Variants in BABAM2 observed in about 807,000 individuals in gnomAD.
BABAM2 encodes the protein BRISC and BRCA1-A complex member 2.
In BABAM2, 31 loss-of-function variants were observed where a neutral mutation model predicts 54.7. The observed-to-expected ratio is 0.57, with a 90% CI of 0.43 to 0.77. BABAM2 has a LOEUF of 0.77. Ranked by LOEUF, BABAM2 falls within the 30% of genes least tolerant of loss-of-function variation. BABAM2 has a pLI of 0.00. For synonymous variants in BABAM2, 167 were observed against 162.9 expected (o/e 1.03, Z -0.19); for missense variants, 364 against 455.8 (o/e 0.80, Z 1.83).
chr2:27,906,225 TGC>T (rs889300313), intron 2 of BABAM2, among the ~76,000 whole-genome samples: 3 of 152,066 alleles, frequency 2.0e-5, no homozygotes, highest in African/African-American at 7.2e-5. Flanking sequence ...CAGTGAACAG[TGC>T]ATGGTGTTGA....
At chr2:28,143,144 AAT>A (rs144484983) in intron 7 of BABAM2, among the ~76,000 whole-genome samples, 5 of 149,856 alleles carry the variant, frequency 3.3e-5, no homozygotes, top group African/African-American at 7.3e-5. Flanking sequence ...TGGATAAAGA[AAT>A]ATATATATAT....
chr2:28,082,037 A>G (rs973368300), intron 6 of BABAM2, among the ~76,000 whole-genome samples: 7 of 152,210 alleles, frequency 4.6e-5, no homozygotes, highest in Admixed American at 4.6e-4. Context: ...CTTTGGAGGT[A>G]AGGAAACATA....
At chr2:28,241,179 T>C (rs1044181332) in intron 8 of BABAM2, 144 bp from the exon 9 acceptor site, 3 of 726,212 alleles carry the variant, frequency 4.1e-6, no homozygotes, top group Non-Finnish European at 7.0e-6. Flanking sequence ...GTAGGCACAA[T>C]AGTCACAGTT....
intron 10 of BABAM2, among the ~76,000 whole-genome samples, chr2:28,294,994 A>G (rs4666051): frequency 0.66 from 100,914 of 152,008 alleles, 33,816 homozygotes; most frequent in Middle Eastern, 0.81. Context: ...GGACTGTGGT[A>G]GATATCAACA....
intron 6 of BABAM2, among the ~76,000 whole-genome samples, chr2:28,071,245 C>G (rs1664112529): frequency 6.6e-6 from 1 of 152,086 alleles, no homozygotes; most frequent in Non-Finnish European, 1.5e-5. Flanking sequence ...TCTTTTAAGT[C>G]TCTTTTCATT....
chr2:28,147,382 AT>A (rs986389488), intron 7 of BABAM2, among the ~76,000 whole-genome samples: 3 of 151,956 alleles, frequency 2.0e-5, no homozygotes, highest in African/African-American at 4.8e-5. Context: ...CATTATTTAG[AT>A]TTTTTTTCCT....
At chr2:27,988,265 G>GTTTT (rs1672542827) in intron 4 of BABAM2, among the ~76,000 whole-genome samples, 178 bp downstream of exon 4, 1 of 152,076 alleles carries the variant, frequency 6.6e-6, no homozygotes, top group Non-Finnish European at 1.5e-5. Context: ...TAAATAAGAG[G>GTTTT]TTTTTTTCAT....
chr2:28,177,592 T>C (rs1221608456), intron 7 of BABAM2, among the ~76,000 whole-genome samples: 1 of 151,552 alleles, frequency 6.6e-6, no homozygotes, highest in Non-Finnish European at 1.5e-5. Flanking sequence ...ATATACAAAA[T>C]AGCCAGAAAA....
intron 6 of BABAM2, among the ~76,000 whole-genome samples, chr2:28,110,436 C>T (rs1667897858): frequency 6.6e-6 from 1 of 151,828 alleles, no homozygotes; most frequent in African/African-American, 2.4e-5. Context: ...CTAGCCTGGC[C>T]AACAAGGCGA....
chr2:28,334,789 G>A (rs1296585403), intron 11 of BABAM2, among the ~76,000 whole-genome samples: 2 of 152,220 alleles, frequency 1.3e-5, no homozygotes, highest in African/African-American at 4.8e-5. Context: ...ATGCGAGTGT[G>A]GCATCAGGTG....
intron 7 of BABAM2, among the ~76,000 whole-genome samples, chr2:28,232,562 C>T (rs929958335): frequency 1.3e-5 from 2 of 152,200 alleles, no homozygotes; most frequent in African/African-American, 4.8e-5. Flanking sequence ...GAGCCTACTA[C>T]ACGCCTAGGC....
intron 11 of BABAM2, among the ~76,000 whole-genome samples, chr2:28,327,659 T>A (rs2148326045): frequency 6.6e-6 from 1 of 152,164 alleles, no homozygotes; most frequent in South Asian, 2.1e-4. Flanking sequence ...TCTAAATATC[T>A]CAAACGCAAG....
chr2:28,239,281 A>C (rs756754703), intron 8 of BABAM2, among the ~76,000 whole-genome samples: 2 of 152,234 alleles, frequency 1.3e-5, no homozygotes, highest in African/African-American at 2.4e-5. Flanking sequence ...CAACATGGCT[A>C]TCAGTACCAA....
At chr2:28,225,751 G>A (rs1403474922) in intron 7 of BABAM2, among the ~76,000 whole-genome samples, 3 of 151,638 alleles carry the variant, frequency 2.0e-5, no homozygotes, top group Non-Finnish European at 4.4e-5. Context: ...CACAGTCCAC[G>A]AGTTGCCTAA....
At chr2:27,946,165 T>C (rs1256951240) in intron 3 of BABAM2, among the ~76,000 whole-genome samples, 1 of 152,194 alleles carries the variant, frequency 6.6e-6, no homozygotes, top group Non-Finnish European at 1.5e-5. Flanking sequence ...TCTAGGTGCC[T>C]TTTTATCAAT....
At chr2:28,017,330 CCAG>C (rs1302228771) in intron 4 of BABAM2, among the ~76,000 whole-genome samples, 1 of 139,758 alleles carries the variant, frequency 7.2e-6, no homozygotes, top group Non-Finnish European at 1.6e-5. Flanking sequence ...TTGTTCAGTT[CCAG>C]TTTTGTTAGA....
At chr2:27,908,637 T>C (rs1666360498) in intron 2 of BABAM2, among the ~76,000 whole-genome samples, 1 of 152,188 alleles carries the variant, frequency 6.6e-6, no homozygotes, top group African/African-American at 2.4e-5. Flanking sequence ...CCCTAGTGTC[T>C]ATTGTTCCCA....
chr2:28,024,313 A>G (rs902123231), intron 4 of BABAM2, among the ~76,000 whole-genome samples: 4 of 151,982 alleles, frequency 2.6e-5, no homozygotes, highest in Non-Finnish European at 5.9e-5. Flanking sequence ...GACTGAGGCA[A>G]GAGAATGGCG....
intron 6 of BABAM2, among the ~76,000 whole-genome samples, chr2:28,065,329 G>A (rs916631948): frequency 1.3e-5 from 2 of 152,096 alleles, no homozygotes; most frequent in East Asian, 1.9e-4. Flanking sequence ...TTCCTGATCC[G>A]GTCAGACTGC....
Sources: allele counts gnomAD v4.1 joint callset (sites outside exome capture counted in the v4.1 genomes callset), GRCh38; gene constraint gnomAD v4.1.1; transcripts MANE v1.5; gene names NCBI Gene and HGNC (gene_info 2026-07-23, HGNC 2026-07-21).